The following NUBPL variants were observed in gnomAD, a reference collection of about 807,000 sequenced individuals.
NUBPL encodes iron-sulfur cluster transfer protein NUBPL.
Under a neutral mutation model 45.7 loss-of-function variants are expected in NUBPL, and 31 were observed. The observed-to-expected ratio is 0.68, with a 90% CI of 0.51 to 0.92. The LOEUF is 0.92. Ranked by LOEUF, NUBPL falls within the 40% of genes least tolerant of loss-of-function variation. The probability of loss-of-function intolerance (pLI) is 0.00; values close to 1 mark genes in which losing one functional copy is unlikely to be tolerated. For missense variants in NUBPL, 401 were observed against 398.7 expected (o/e 1.01, Z -0.05); for synonymous variants, 144 against 140.9 (o/e 1.02, Z -0.15).
chr14:31,719,683 A>G (rs185284008), intron 6 of NUBPL, among the ~76,000 whole-genome samples: 1 of 152,222 alleles, frequency 6.6e-6, no homozygotes, highest in East Asian at 1.9e-4. Flanking sequence ...TAAATAAAAA[A>G]GTCTTATACT....
intron 3 of NUBPL, among the ~76,000 whole-genome samples, chr14:31,578,872 C>G (rs778183756): frequency 6.6e-6 from 1 of 152,170 alleles, no homozygotes; most frequent in African/African-American, 2.4e-5. Flanking sequence ...AGAACTGTAT[C>G]CTACTGTTGC....
chr14:31,697,487 T>C (rs1222792037), intron 6 of NUBPL, among the ~76,000 whole-genome samples: 1 of 152,236 alleles, frequency 6.6e-6, no homozygotes, highest in Admixed American at 6.5e-5. Context: ...GAAGCATGCC[T>C]TTTTTACTCT....
intron 4 of NUBPL, among the ~76,000 whole-genome samples, chr14:31,623,504 T>C (rs920545107): frequency 6.6e-6 from 1 of 152,162 alleles, no homozygotes; most frequent in African/African-American, 2.4e-5. Context: ...GTAATCCCCA[T>C]GTGTCAAGGG....
At chr14:31,784,013 G>A (rs1004546420) in intron 6 of NUBPL, among the ~76,000 whole-genome samples, 1 of 152,114 alleles carries the variant, frequency 6.6e-6, no homozygotes, top group Non-Finnish European at 1.5e-5. Context: ...ATCTTTTGGG[G>A]TAAGTTTTGT....
intron 3 of NUBPL, 133 bp from the exon 4 acceptor site, chr14:31,599,156 T>C (rs1322865222): frequency 1.4e-6 from 1 of 714,894 alleles, no homozygotes; most frequent in African/African-American, 1.8e-5. Flanking sequence ...GGTTATGATT[T>C]GTAATATTTT....
chr14:31,717,459 C>T (rs2037714600), intron 6 of NUBPL, among the ~76,000 whole-genome samples: 1 of 152,178 alleles, frequency 6.6e-6, no homozygotes, highest in Admixed American at 6.5e-5. Flanking sequence ...CTTCTTTTCC[C>T]TACCTCTACC....
intron 3 of NUBPL, among the ~76,000 whole-genome samples, chr14:31,588,580 A>G (rs1477421826): frequency 1.3e-5 from 2 of 152,074 alleles, no homozygotes; most frequent in Non-Finnish European, 2.9e-5. Context: ...GCATCCTACT[A>G]TGCCTTTAAT....
intron 7 of NUBPL, among the ~76,000 whole-genome samples, chr14:31,807,755 G>A (rs2039717921): frequency 6.6e-6 from 1 of 152,170 alleles, no homozygotes. Context: ...TATGGTTTTA[G>A]GTCTAACATT....
intron 3 of NUBPL, among the ~76,000 whole-genome samples, chr14:31,590,998 T>C (rs1482310358): frequency 6.6e-6 from 1 of 152,168 alleles, no homozygotes; most frequent in East Asian, 1.9e-4. Context: ...AAGGCAACTG[T>C]TTTCTTGTTA....
chr14:31,847,933 C>T (rs1398797480), intron 9 of NUBPL, among the ~76,000 whole-genome samples: 1 of 152,084 alleles, frequency 6.6e-6, no homozygotes, highest in Non-Finnish European at 1.5e-5. Context: ...GATTGACATT[C>T]GCTTATATAA....
At chr14:31,617,048 G>A (rs141397513) in intron 4 of NUBPL, among the ~76,000 whole-genome samples, 6,684 of 152,182 alleles carry the variant, frequency 0.044, 206 homozygotes, top group Non-Finnish European at 0.063. Flanking sequence ...GTGAATGGGA[G>A]CTCACTCATG....
intron 10 of NUBPL, among the ~76,000 whole-genome samples, chr14:31,852,879 A>G (rs981734445): frequency 6.6e-6 from 1 of 152,152 alleles, no homozygotes; most frequent in South Asian, 2.1e-4. Context: ...ATGTGCTCTT[A>G]GAAACTAGTC....
At chr14:31,588,464 A>G (rs1566430639) in intron 3 of NUBPL, among the ~76,000 whole-genome samples, 7 of 151,972 alleles carry the variant, frequency 4.6e-5, no homozygotes. Context: ...TAAAAAGTAG[A>G]TCTTCTTAAT....
At chr14:31,819,596 T>C (rs2039980556) in intron 7 of NUBPL, among the ~76,000 whole-genome samples, 1 of 152,228 alleles carries the variant, frequency 6.6e-6, no homozygotes, top group Admixed American at 6.5e-5. Flanking sequence ...GTTTAACTAC[T>C]CTGAACTCTG....
intron 4 of NUBPL, among the ~76,000 whole-genome samples, chr14:31,669,049 G>A (rs1566489183): frequency 1.3e-5 from 2 of 152,124 alleles, no homozygotes; most frequent in Non-Finnish European, 2.9e-5. Context: ...TATTTTTAGA[G>A]TTGGGGTCTC....
At chr14:31,814,841 G>A (rs7158652) in intron 7 of NUBPL, among the ~76,000 whole-genome samples, 24,122 of 152,060 alleles carry the variant, frequency 0.16, 5,522 homozygotes, top group African/African-American at 0.51. Context: ...AAGATCAGAT[G>A]GTTGTAGATG....
intron 6 of NUBPL, among the ~76,000 whole-genome samples, chr14:31,765,013 G>A (rs950713743): frequency 6.6e-6 from 1 of 151,914 alleles, no homozygotes; most frequent in African/African-American, 2.4e-5. Context: ...GCATTATTTA[G>A]TTCTCACTAG....
intron 7 of NUBPL, among the ~76,000 whole-genome samples, chr14:31,799,315 A>T (rs1433977221): frequency 2.0e-5 from 3 of 152,148 alleles, no homozygotes; most frequent in Non-Finnish European, 4.4e-5. Context: ...TACATTCATT[A>T]TCTTATTTGA....
chr14:31,848,028 T>A (rs1182625238), intron 9 of NUBPL, among the ~76,000 whole-genome samples: 1 of 152,192 alleles, frequency 6.6e-6, no homozygotes, highest in African/African-American at 2.4e-5. Flanking sequence ...GCTGAACAAT[T>A]TCCTAAGTCA....
Sources: gnomAD v4.1 joint callset for allele counts (sites outside exome capture counted in the v4.1 genomes callset) on GRCh38, gnomAD v4.1.1 for gene constraint, MANE v1.5 for transcripts, NCBI Gene and HGNC (gene_info 2026-07-23, HGNC 2026-07-21) for gene names.